The following SARM1 variants were observed in gnomAD, a reference collection of about 807,000 sequenced individuals.
SARM1 encodes sterile alpha and TIR motif containing 1.
In SARM1, 60 loss-of-function variants were observed where a neutral mutation model predicts 65.1. That is an observed-to-expected ratio of 0.92 (90% confidence interval 0.75 to 1.14). The LOEUF (loss-of-function observed/expected upper bound fraction) is 1.14. Ranked by LOEUF, SARM1 falls within the 50% of genes most tolerant of loss-of-function variation. SARM1 has a pLI of 0.00. For synonymous variants in SARM1, 417 were observed against 465.4 expected, an observed-to-expected ratio of 0.90 and a Z score of 1.34; for missense variants, 913 against 1,015.7, an observed-to-expected ratio of 0.90 and a Z score of 1.37.
In SARM1 at chr17:28,371,767, C is replaced by T. The variant is rs771323480; in HGVS notation, c.-266C>T. 8.2e-6 allele frequency: 3 copies of T among 367,758 alleles called. No individual in the cohort carries two copies. Among genetic ancestry groups the T allele is most frequent in the Non-Finnish European group, 1.5e-5 (3 of 204,912 alleles). 22.8% of individuals were successfully genotyped at this position (367,758 alleles called of 1,614,324 possible). A position where few individuals can be genotyped will look rare whatever the true frequency, so the allele number is the denominator to read the frequency against. The stretch of plus-strand genomic sequence containing the variant: ...CGCCGCCTCCTCTACCCTACGGCGT[C>T]CGGAGCCATCCCTCGCCTGCTCGCT... On this transcript the variant is annotated 5_prime_UTR_variant, in exon 1 of 9. Coordinates refer to ENST00000585482, the MANE Select transcript of SARM1 (RefSeq NM_015077.4).
chr17:28,399,678 T>G lies in SARM1; in HGVS notation c.*3392T>G. 6.2e-7 allele frequency: 1 copy of G among 1,614,000 alleles called. No homozygotes were observed. Among genetic ancestry groups the G allele is most frequent in the East Asian group, 2.2e-5 (1 of 44,884 alleles). ...AGATCAGGGGCTCTGGGGAAACTGC[T>G]GGAACTCGAGGTGAGGATCAGCCTT... On this transcript the variant is annotated 3_prime_UTR_variant, in exon 9 of 9. Coordinates refer to ENST00000585482, the MANE Select transcript of SARM1 (RefSeq NM_015077.4).
At chr17:28,382,765 G>A (rs959672801) in intron 2 of SARM1, among the ~76,000 whole-genome samples, 1 of 152,166 alleles carries the variant, frequency 6.6e-6, no homozygotes, top group Non-Finnish European at 1.5e-5. Context: ...GCCTAGGCTG[G>A]CATCAAACTC....
chr17:28,385,268 G>C lies in SARM1; in HGVS notation c.1623G>C (p.Ala541=), dbSNP rs182078643. ...LGVHRARILT[A]AREMLHSPLP... ...TGCACCGCGCCCGCATCCTCACGGC[G>C]GCCAGAGGTCAGCCCGCTCACCCGG... is the stretch of plus-strand genomic sequence containing the variant. Residue 541 remains alanine (A), a synonymous_variant, in exon 5 of 9, where the codon GCG becomes GCC. Transcript: ENST00000585482. The surrounding 1 kb of genome is among the most constrained non-coding windows in gnomAD (Gnocchi z 4.5). 6.5e-7 allele frequency: 1 copy of C among 1,550,174 alleles called. No homozygotes were observed. Among genetic ancestry groups the C allele is most frequent in the Non-Finnish European group, 8.7e-7 (1 of 1,154,298 alleles).
At chr17:28,377,128 T>C (rs1292355140) in intron 1 of SARM1, among the ~76,000 whole-genome samples, 2 of 152,196 alleles carry the variant, frequency 1.3e-5, no homozygotes, top group Non-Finnish European at 2.9e-5. Context: ...GCTCTTACAT[T>C]CTAGGCATTT....
chr17:28,384,344 A>G lies in SARM1; in HGVS notation c.1090-13A>G. On this transcript the variant is annotated splice_polypyrimidine_tract_variant and intron_variant, in intron 2 of 8. Coordinates refer to ENST00000585482, the MANE Select transcript of SARM1 (RefSeq NM_015077.4). The surrounding 1 kb of genome is among the most constrained non-coding windows in gnomAD (Gnocchi z 4.4). ...TGGTGGGACCTACAGCCCTCTCCCC[A>G]CTCCCTCCCTAGGTGTTCAGCGACA... 1 of 1,559,008 alleles carries G rather than the reference A, an allele frequency of 6.4e-7. No homozygotes were observed. The highest frequency in any genetic ancestry group is 8.7e-7 in the Non-Finnish European group (1 of 1,150,728).
Position 28,372,183 on chromosome 17 carries a change from CG to C in SARM1, c.152del (p.Arg51ProfsTer29). On this transcript the variant is annotated frameshift_variant, in exon 1 of 9. Transcript: ENST00000585482. LOFTEE classifies it high-confidence loss of function. This position sits in a 1 kb window ranked among gnomAD's most constrained non-coding sequence, Gnocchi z 5.2. ...GTGGGCTGCGGGTGGCCGCGGGCCC[CG>C]CGAAGTGTCGCCGGGGGCAGGCACC... is the stretch of plus-strand genomic sequence containing the variant. ...PWWAAGGRGP[R>X]EVSPGAGTEV... 1 of 1,362,256 alleles carries C rather than the reference CG, an allele frequency of 7.3e-7. No individual in the cohort carries two copies. The highest frequency in any genetic ancestry group is 9.4e-7 in the Non-Finnish European group (1 of 1,067,618). The allele number at this position is 1,362,256 out of a possible 1,614,324, so 84.4% of individuals were successfully genotyped here. A position where few individuals can be genotyped will look rare whatever the true frequency, so the allele number is the denominator to read the frequency against.
Position 28,399,291 on chromosome 17 carries a change from A to G in SARM1, c.*3005A>G. ...GCTGTGCAGTTTGGGCTGGAAGGAG[A>G]GATGCCAGCCCTCGTGCTGCCTCTG... On this transcript the variant is annotated 3_prime_UTR_variant, in exon 9 of 9. Transcript: ENST00000585482. 1 of 238,264 alleles carries G rather than the reference A, an allele frequency of 4.2e-6. No homozygotes were observed. The highest frequency in any genetic ancestry group is 8.4e-6 in the Non-Finnish European group (1 of 119,164). 14.8% of individuals were successfully genotyped at this position (238,264 alleles called of 1,614,324 possible). A position where few individuals can be genotyped will look rare whatever the true frequency, so the allele number is the denominator to read the frequency against.
In SARM1 at chr17:28,384,612, G is replaced by T. The variant is rs1555585678; in HGVS notation, c.1302+43G>T. The T allele has an allele frequency of 3.9e-6, 6 of 1,519,360 alleles. No individual in the cohort carries two copies. The Admixed American group carries it at 8.1e-5, about 21-fold the overall frequency. The allele number at this position is 1,519,360 out of a possible 1,614,324, so 94.1% of individuals were successfully genotyped here. A position where few individuals can be genotyped will look rare whatever the true frequency, so the allele number is the denominator to read the frequency against. On this transcript the variant is annotated intron_variant, in intron 3 of 8. Coordinates refer to ENST00000585482, the MANE Select transcript of SARM1 (RefSeq NM_015077.4). The surrounding 1 kb of genome is among the most constrained non-coding windows in gnomAD (Gnocchi z 4.4). ...ACGCCTCCCCCGAGTCAGAGCGGGC[G>T]CCCTGTGCACAGGGACTGCGTTCCC...
rs571589599 is a variant in SARM1 at position 28,381,765 on chromosome 17, G to A, written c.1033G>A (p.Gly345Arg). The A allele has an allele frequency of 1.3e-6, 2 of 1,485,858 alleles. No individual in the cohort carries two copies. The highest frequency in any genetic ancestry group is 1.4e-5 in the African/African-American group (1 of 70,288). The allele number at this position is 1,485,858 out of a possible 1,614,324, so 92.0% of individuals were successfully genotyped here. ...DSNRLEAQCIGAFYLCAEAAI... is the reference protein window; with the variant it reads ...DSNRLEAQCIRAFYLCAEAAI... ...TAACCGCTTGGAGGCGCAGTGCATC[G>A]GGGCTTTCTACCTCTGCGCCGAGGC... The change falls in exon 2 of 9, where the codon GGG (glycine) becomes AGG (arginine). Residue 345 changes from glycine (G) to arginine (R), a missense_variant. Transcript: ENST00000585482.
intron 1 of SARM1, among the ~76,000 whole-genome samples, chr17:28,376,842 G>A (rs1371211681): frequency 1.4e-4 from 2 of 14,412 alleles, no homozygotes; most frequent in Non-Finnish European, 2.3e-4. Flanking sequence ...AGGCTGGAGT[G>A]CAGTGGCACG....
Position 28,381,841 on chromosome 17 carries a change from T to C in SARM1, c.1089+20T>C. Reference sequence around the variant, plus strand: ...ACCAAGGTGGGTGCAGATGTGGGGTTGGGTGGATCAGGGGTTAGAGAGCCT... The same window carrying C: ...ACCAAGGTGGGTGCAGATGTGGGGTCGGGTGGATCAGGGGTTAGAGAGCCT... On this transcript the variant is annotated intron_variant, in intron 2 of 8. Transcript: ENST00000585482. 1 of 1,424,002 alleles carries C rather than the reference T, an allele frequency of 7.0e-7. No individual in the cohort carries two copies. Among genetic ancestry groups the C allele is most frequent in the Non-Finnish European group, 9.2e-7 (1 of 1,091,326 alleles). The allele number at this position is 1,424,002 out of a possible 1,614,324, so 88.2% of individuals were successfully genotyped here.
rs1239250316 is a variant in SARM1, at chr17:28,385,154, C to G, written c.1509C>G (p.Tyr503Ter). The change falls in exon 5 of 9, where the codon TAC becomes TAG. Residue 503 changes from tyrosine to a stop codon, truncating the protein, a stop_gained. Coordinates refer to ENST00000585482, the MANE Select transcript of SARM1 (RefSeq NM_015077.4). LOFTEE classifies it high-confidence loss of function. This position sits in a 1 kb window ranked among gnomAD's most constrained non-coding sequence, Gnocchi z 4.5. ...ACCCGCGCTTCCGCCAGTACACCTA[C>G]GGCCTGGTCAGCTGCGGCCTGGACC... is the stretch of plus-strand genomic sequence containing the variant. Reference protein sequence around the residue: ...SLDPRFRQYTYGLVSCGLDRS... With the variant: ...SLDPRFRQYT 2 of 1,613,036 alleles carry G rather than the reference C, an allele frequency of 1.2e-6. No homozygotes were observed. Among genetic ancestry groups the G allele is most frequent in the African/African-American group, 1.3e-5 (1 of 75,064 alleles).
rs782287467 is a variant in SARM1, at chr17:28,400,687, T to A, written c.*4401T>A. 1.2e-6 allele frequency: 2 copies of A among 1,612,420 alleles called. No individual in the cohort carries two copies. Among genetic ancestry groups the A allele is most frequent in the East Asian group, 4.5e-5 (2 of 44,842 alleles). On this transcript the variant is annotated 3_prime_UTR_variant, in exon 9 of 9. Coordinates refer to ENST00000585482, the MANE Select transcript of SARM1 (RefSeq NM_015077.4). ...ACCCCTTCATAAAGTTCAGAGTGGCTGGGTAGAGTGAGTTGAAGATGCCGG... is the reference window on the plus strand; with the variant it reads ...ACCCCTTCATAAAGTTCAGAGTGGCAGGGTAGAGTGAGTTGAAGATGCCGG...
chr17:28,392,471 G>A (rs1555587034), intron 7 of SARM1, among the ~76,000 whole-genome samples: 2 of 152,114 alleles, frequency 1.3e-5, no homozygotes, highest in Non-Finnish European at 2.9e-5. Flanking sequence ...AATTTGTACT[G>A]TCTTTGGTTT....
In SARM1 at chr17:28,395,912, T is replaced by C. The variant is rs2068115880; in HGVS notation, c.1931T>C (p.Val644Ala). 1 of 1,613,842 alleles carries C rather than the reference T, an allele frequency of 6.2e-7. No individual in the cohort carries two copies. Among genetic ancestry groups the C allele is most frequent in the Non-Finnish European group, 8.5e-7 (1 of 1,179,862 alleles). ...TTTCCTTTCTTTCTCCAGGAGATTG[T>C]GACTGCTTTAAGCTGCGGCAAGAAC... ...DCKDWVHKEI[V>A]TALSCGKNIV... The change falls in exon 8 of 9, where the codon GTG becomes GCG. Residue 644 changes from valine to alanine, a missense_variant. Val to Ala is a moderately conservative substitution (Grantham distance 64). Coordinates refer to ENST00000585482, the MANE Select transcript of SARM1 (RefSeq NM_015077.4).
Position 28,372,213 on chromosome 17 carries a change from G to A in SARM1, c.181G>A (p.Val61Met), listed in dbSNP as rs1334350421. The A allele has an allele frequency of 5.1e-6, 7 of 1,385,292 alleles. No individual in the cohort carries two copies. The highest frequency in any genetic ancestry group is 6.5e-6 in the Non-Finnish European group (7 of 1,079,214). 85.8% of individuals were successfully genotyped at this position (1,385,292 alleles called of 1,614,324 possible). A position where few individuals can be genotyped will look rare whatever the true frequency, so the allele number is the denominator to read the frequency against. Residue 61 changes from valine (V) to methionine (M), a missense_variant, in exon 1 of 9, where the codon GTG (valine) becomes ATG (methionine). Transcript: ENST00000585482. This position sits in a 1 kb window ranked among gnomAD's most constrained non-coding sequence, Gnocchi z 5.2. Reference sequence around the variant, plus strand: ...AGTGTCGCCGGGGGCAGGCACCGAGGTGCAGGACGCCCTGGAGCGCGCGCT... The same window carrying A: ...AGTGTCGCCGGGGGCAGGCACCGAGATGCAGGACGCCCTGGAGCGCGCGCT... ...REVSPGAGTEVQDALERALPE... is the reference protein window; with the variant it reads ...REVSPGAGTEMQDALERALPE...
At chr17:28,387,288 G>A (rs897397477) in intron 5 of SARM1, among the ~76,000 whole-genome samples, 2 of 150,656 alleles carry the variant, frequency 1.3e-5, no homozygotes, top group African/African-American at 2.4e-5. Context: ...GCTAGAGTGC[G>A]GTGGTGCATT....
chr17:28,372,483 A>T lies in SARM1; in HGVS notation c.451A>T (p.Ile151Phe). 6.5e-7 allele frequency: 1 copy of T among 1,529,060 alleles called. No homozygotes were observed. The highest frequency in any genetic ancestry group is 8.7e-7 in the Non-Finnish European group (1 of 1,144,896). 94.7% of individuals were successfully genotyped at this position (1,529,060 alleles called of 1,614,324 possible). The change falls in exon 1 of 9, where the codon ATC becomes TTC. Residue 151 changes from isoleucine to phenylalanine, a missense_variant. Ile to Phe is a conservative substitution (Grantham distance 21). Transcript: ENST00000585482. The surrounding 1 kb of genome is among the most constrained non-coding windows in gnomAD (Gnocchi z 5.2). ...RVQAARLLEQ[I>F]LVAENRDRVA... ...GCAGGCCGCGCGCCTGCTGGAGCAG[A>T]TCCTGGTGGCTGAGAACCGGTGAGC...
chr17:28,376,101 T>C (rs1597815754), intron 1 of SARM1, among the ~76,000 whole-genome samples: 1 of 152,160 alleles, frequency 6.6e-6, no homozygotes, highest in East Asian at 1.9e-4. Context: ...TGAGTAGTTA[T>C]CACAAGAGTG....
Sources: gnomAD v4.1 joint callset for allele counts (sites outside exome capture counted in the v4.1 genomes callset) on GRCh38, gnomAD v4.1.1 for gene constraint, Gnocchi (gnomAD v3.1) non-coding constraint, MANE v1.5 for transcripts, NCBI Gene and HGNC (gene_info 2026-07-23, HGNC 2026-07-21) for gene names.